The following VPS45 variants were observed in gnomAD, a reference collection of about 807,000 sequenced individuals.
VPS45 encodes the protein vacuolar protein sorting-associated protein 45.
In VPS45, 35 loss-of-function variants were observed where a neutral mutation model predicts 75.9. The ratio of observed to expected loss-of-function variants is 0.46; its 90% CI spans 0.35 to 0.61. The LOEUF is 0.61. Among genes scored for constraint, VPS45 ranks in the 20% least tolerant of loss-of-function variants. The probability of loss-of-function intolerance (pLI) is 0.00; values close to 1 mark genes in which losing one functional copy is unlikely to be tolerated. For synonymous variants in VPS45, 220 were observed against 238.2 expected (o/e 0.92, Z 0.70); for missense variants, 559 against 685.9 (o/e 0.81, Z 2.07).
At chr1:150,081,581 A>T in intron 8 of VPS45, 105 bp downstream of exon 8, 1 of 1,320,680 alleles carries the variant, frequency 7.6e-7, no homozygotes, top group Non-Finnish European at 1.0e-6. Flanking sequence ...ATGTGAAAGG[A>T]TGATAGGGGC....
chr1:150,084,836 G>A, intron 10 of VPS45, among the ~76,000 whole-genome samples: 1 of 152,052 alleles, frequency 6.6e-6, no homozygotes, highest in African/African-American at 2.4e-5. Flanking sequence ...AGACTGTTAC[G>A]ATGATTCAAT....
upstream of VPS45, chr1:150,067,704 C>A: frequency 1.4e-6 from 1 of 706,412 alleles, no homozygotes; most frequent in Non-Finnish European, 2.4e-6. Context: ...TACACTCCAG[C>A]GGAACTACAA....
intron 13 of VPS45, among the ~76,000 whole-genome samples, chr1:150,097,366 A>G (rs951754186): frequency 4.6e-5 from 7 of 151,118 alleles, no homozygotes; most frequent in African/African-American, 1.7e-4. Context: ...CGGCCTCCCA[A>G]AGTGCTGGGA....
chr1:150,099,479 T>C (rs1378538146), intron 13 of VPS45, among the ~76,000 whole-genome samples: 1 of 147,584 alleles, frequency 6.8e-6, no homozygotes, highest in Non-Finnish European at 1.5e-5. Flanking sequence ...GCCACTGCAC[T>C]CCAGTCTGGG....
intron 12 of VPS45, 85 bp downstream of exon 12, chr1:150,092,494 A>G (rs1656387937): frequency 2.7e-6 from 3 of 1,109,400 alleles, no homozygotes; most frequent in Admixed American, 2.4e-5. Flanking sequence ...TCTTCAAAGT[A>G]TCTTGAAGAT....
intron 14 of VPS45, among the ~76,000 whole-genome samples, chr1:150,126,670 A>G (rs918037353): frequency 6.6e-6 from 1 of 152,198 alleles, no homozygotes; most frequent in Admixed American, 6.5e-5. Flanking sequence ...CTCAATAAAA[A>G]AAATTTATAT....
intron 9 of VPS45, 140 bp from the exon 10 acceptor site, chr1:150,082,576 A>G: frequency 9.5e-7 from 1 of 1,051,940 alleles, no homozygotes; most frequent in South Asian, 1.6e-5. Flanking sequence ...AAGCATAACA[A>G]AATGCCATGT....
intron 14 of VPS45, among the ~76,000 whole-genome samples, chr1:150,114,070 C>A (rs1657790735): frequency 6.6e-6 from 1 of 152,136 alleles, no homozygotes; most frequent in Admixed American, 6.5e-5. Context: ...CCAAATTAAT[C>A]ATTATTTTCA....
rs929385380 is a variant in VPS45, at chr1:150,144,649, C to T, written c.1626-60C>T. ...ATCTGGTTAGATGTCCAGAGCAAGA[C>T]ATTCTATTTTTGGAGATGCTTTTGT... On this transcript the variant is annotated intron_variant, in intron 14 of 14. Transcript: ENST00000644510. 5.1e-5 allele frequency: 73 copies of T among 1,437,052 alleles called. No individual in the cohort carries two copies. The Middle Eastern group carries it at 5.4e-4, about 11-fold the overall frequency. The allele number at this position is 1,437,052 out of a possible 1,614,324, so 89.0% of individuals were successfully genotyped here. A position where few individuals can be genotyped will look rare whatever the true frequency, so the allele number is the denominator to read the frequency against.
chr1:150,086,647 T>C lies in VPS45; in HGVS notation c.1104+3764T>C, dbSNP rs116004923. ...TTAGCCAGTATTTTAGAAATAGTAT[T>C]GATCAGCAGAAGATCTACTGCAAAG... On this transcript the variant is annotated intron_variant, in intron 10 of 14. Coordinates refer to ENST00000644510, the MANE Select transcript of VPS45 (RefSeq NM_007259.5). Among the ~76,000 whole-genome samples, 654 of 152,268 alleles carry C rather than the reference T, an allele frequency of 4.3e-3. 3 individuals are homozygous for C. Among genetic ancestry groups the C allele is most frequent in the African/African-American group, 0.015 (617 of 41,568 alleles).
intron 13 of VPS45, among the ~76,000 whole-genome samples, chr1:150,107,546 C>A (rs1657398484): frequency 6.6e-6 from 1 of 152,164 alleles, no homozygotes; most frequent in Non-Finnish European, 1.5e-5. Context: ...TATTCTCCAA[C>A]TTTTCCCAAC....
intron 7 of VPS45, among the ~76,000 whole-genome samples, chr1:150,080,655 T>C (rs1197072892): frequency 6.6e-6 from 1 of 152,222 alleles, no homozygotes; most frequent in Non-Finnish European, 1.5e-5. Context: ...CTTCATTTTG[T>C]CTAACAGACC....
intron 3 of VPS45, among the ~76,000 whole-genome samples, chr1:150,072,683 A>C (rs1571814601): frequency 6.7e-6 from 1 of 148,674 alleles, no homozygotes; most frequent in Non-Finnish European, 1.5e-5. Flanking sequence ...CTTTTGACCA[A>C]TATTCTGTTT....
chr1:150,076,812 A>G (rs1160883282), intron 4 of VPS45, 104 bp from the exon 5 acceptor site: 30 of 1,280,166 alleles, frequency 2.3e-5, no homozygotes, highest in Non-Finnish European at 2.9e-5. Context: ...TTACACCTGT[A>G]TTTCACAAAG....
intron 14 of VPS45, among the ~76,000 whole-genome samples, chr1:150,120,545 A>G (rs1451845878): frequency 6.6e-6 from 1 of 152,212 alleles, no homozygotes; most frequent in African/African-American, 2.4e-5. Flanking sequence ...AATAGGAAAT[A>G]TACATTAGTT....
At chr1:150,102,251 AAAAC>A (rs1553804606) in intron 13 of VPS45, among the ~76,000 whole-genome samples, 1 of 149,186 alleles carries the variant, frequency 6.7e-6, no homozygotes. Context: ...AAAAAAAAAA[AAAAC>A]AAACACATGC....
intron 14 of VPS45, among the ~76,000 whole-genome samples, chr1:150,136,022 G>A (rs587609846): frequency 1.2e-3 from 181 of 151,022 alleles, no homozygotes; most frequent in Non-Finnish European, 1.4e-3. Flanking sequence ...GCCAAGGCGG[G>A]TGGATCACCT....
At chr1:150,070,535 G>A (rs1654996760) in intron 2 of VPS45, among the ~76,000 whole-genome samples, 2 of 151,732 alleles carry the variant, frequency 1.3e-5, no homozygotes, top group South Asian at 4.1e-4. Context: ...GCTCACGCCT[G>A]TAATCCTAGC....
chr1:150,110,703 A>G, intron 14 of VPS45, 76 bp downstream of exon 14: 1 of 1,442,680 alleles, frequency 6.9e-7, no homozygotes, highest in Non-Finnish European at 9.2e-7. Context: ...TATGTTGGAA[A>G]AATTTGGTCA....
Sources: gnomAD v4.1 joint callset for allele counts (sites outside exome capture counted in the v4.1 genomes callset) on GRCh38, gnomAD v4.1.1 for gene constraint, MANE v1.5 for transcripts, NCBI Gene and HGNC (gene_info 2026-07-23, HGNC 2026-07-21) for gene names.